The following ATAD3A variants were observed in gnomAD, a reference collection of about 807,000 sequenced individuals.
ATAD3A encodes ATPase family AAA domain containing 3A.
In ATAD3A, 46 loss-of-function variants were observed where a neutral mutation model predicts 73.8. That is an observed-to-expected ratio of 0.62 (90% CI 0.49 to 0.80). The LOEUF (loss-of-function observed/expected upper bound fraction) is 0.80, where lower values mean the gene tolerates loss of function less well. Among genes scored for constraint, ATAD3A ranks in the 30% least tolerant of loss-of-function variants. ATAD3A has a pLI of 0.00. For synonymous variants in ATAD3A, 319 were observed against 350.0 expected (o/e 0.91, Z 0.99); for missense variants, 705 against 838.0 (o/e 0.84, Z 1.96).
At chr1:1,525,367 C>T in intron 12 of ATAD3A, 76 bp downstream of exon 12, 3 of 1,575,840 alleles carry the variant, frequency 1.9e-6, no homozygotes, top group East Asian at 2.2e-5. Context: ...AGGCTGCAGC[C>T]CTCTGTTCAG....
chr1:1,524,420 A>G (rs764505008), intron 11 of ATAD3A, 23 bp downstream of exon 11: 4 of 1,583,472 alleles, frequency 2.5e-6, no homozygotes, highest in Non-Finnish European at 3.4e-6. Flanking sequence ...CACAGCATGC[A>G]CCAGGCCCTT....
At chr1:1,517,501 C>T in intron 3 of ATAD3A, 89 bp downstream of exon 3, 1 of 1,104,364 alleles carries the variant, frequency 9.1e-7, no homozygotes, top group Non-Finnish European at 1.2e-6. Context: ...TCCCGGGGCA[C>T]TCTGGAGTCA....
Position 1,533,007 on chromosome 1 carries a change from G to T in ATAD3A, c.1615-919G>T, listed in dbSNP as rs568336992. Among the ~76,000 whole-genome samples the T allele has an allele frequency of 9.8e-5, 15 of 152,332 alleles. No individual in the cohort carries two copies. The South Asian group carries it at 3.1e-3, about 32-fold the overall frequency. On this transcript the variant is annotated intron_variant, in intron 15 of 15. Coordinates refer to ENST00000378756, the MANE Select transcript of ATAD3A (RefSeq NM_001170535.3). ...TCCCCACACAGTGGCTCTTGGTGAG[G>T]GGTGGGCGCTTGCAGAGGGGACGGG...
intron 13 of ATAD3A, 121 bp from the exon 14 acceptor site, chr1:1,527,574 C>T: frequency 7.5e-7 from 1 of 1,325,548 alleles, no homozygotes; most frequent in Non-Finnish European, 1.0e-6. Flanking sequence ...CAGGGCTGTG[C>T]CCGTGTCCTC....
intron 12 of ATAD3A, among the ~76,000 whole-genome samples, chr1:1,525,578 C>T (rs1195559833): frequency 6.6e-6 from 1 of 152,098 alleles, no homozygotes; most frequent in Non-Finnish European, 1.5e-5. Context: ...CCACACCTGG[C>T]TAATTTTTTG....
chr1:1,523,970 A>C lies in ATAD3A; in HGVS notation c.1089+6A>C. 1 of 1,613,746 alleles carries C rather than the reference A, an allele frequency of 6.2e-7. No individual in the cohort carries two copies. The highest frequency in any genetic ancestry group is 8.5e-7 in the Non-Finnish European group (1 of 1,179,980). On this transcript the variant is annotated splice_donor_region_variant and intron_variant, in intron 10 of 15. Coordinates refer to ENST00000378756, the MANE Select transcript of ATAD3A (RefSeq NM_001170535.3). The surrounding 1 kb of genome is among the most constrained non-coding windows in gnomAD (Gnocchi z 5.1). ...GGAAGACGCTGTTTGCCAAGGTGAG[A>C]GCGCCTGGCTGAACAGGTGGGCCAG... is the stretch of plus-strand genomic sequence containing the variant.
At chr1:1,515,324 G>A (rs773210891) in intron 1 of ATAD3A, among the ~76,000 whole-genome samples, 7 of 152,170 alleles carry the variant, frequency 4.6e-5, no homozygotes, top group Admixed American at 1.3e-4. Context: ...TGATCCACCC[G>A]TCTCAGCCTC....
In ATAD3A at chr1:1,526,932, T is replaced by C. The variant is rs1361169121; in HGVS notation, c.1337+401T>C. Among the ~76,000 whole-genome samples, 20 of 151,884 alleles carry C rather than the reference T, an allele frequency of 1.3e-4. No individual in the cohort carries two copies. In the South Asian group the frequency reaches 1.9e-3, roughly 14 times the overall value. ...GAGACAAGTTTGCTCCCACGGGAAG[T>C]TGGACACCAGCAGGTCCTGTGTGTC... is the stretch of plus-strand genomic sequence containing the variant. On this transcript the variant is annotated intron_variant, in intron 13 of 15. Transcript: ENST00000378756.
intron 14 of ATAD3A, 112 bp from the exon 15 acceptor site, chr1:1,529,108 CCCT>C (rs1641947711): frequency 6.8e-7 from 1 of 1,469,094 alleles, no homozygotes; most frequent in Admixed American, 2.0e-5. Context: ...AGTAGAGAGC[CCCT>C]CCAAAGAGGA....
At chr1:1,526,957 CG>C (rs1386379014) in intron 13 of ATAD3A, among the ~76,000 whole-genome samples, 1 of 152,092 alleles carries the variant, frequency 6.6e-6, no homozygotes, top group Non-Finnish European at 1.5e-5. Flanking sequence ...TCCTGTGTGT[CG>C]GGGCGGAACC....
chr1:1,526,244 C>T (rs535138037), intron 12 of ATAD3A, among the ~76,000 whole-genome samples: 2 of 152,246 alleles, frequency 1.3e-5, no homozygotes, highest in Non-Finnish European at 2.9e-5. Flanking sequence ...TGGTCTCAAA[C>T]TCCTTACCTC....
intron 1 of ATAD3A, among the ~76,000 whole-genome samples, chr1:1,514,962 C>A (rs1270894546): frequency 6.6e-6 from 1 of 152,246 alleles, no homozygotes; most frequent in Admixed American, 6.5e-5. Flanking sequence ...CAACATCCAC[C>A]TCCTGGGTTC....
At chr1:1,530,988 C>G (rs2100685236) in intron 15 of ATAD3A, among the ~76,000 whole-genome samples, 1 of 152,126 alleles carries the variant, frequency 6.6e-6, no homozygotes, top group African/African-American at 2.4e-5. Flanking sequence ...AATCTCACCT[C>G]CACTAAAAAT....
rs3737711 is a variant in ATAD3A at position 1,525,085 on chromosome 1, G to T, written c.1215-155G>T. 3.1e-3 allele frequency among the ~76,000 whole-genome samples: 468 copies of T among 152,234 alleles called. 16 individuals are homozygous for T. In the East Asian group the frequency reaches 0.078, roughly 25 times the overall value. ...CAGCTGCCCAGAGGCCAGGCTGATC[G>T]GCTTCTGTCGAGTCCAGGACTTAGG... On this transcript the variant is annotated intron_variant, in intron 11 of 15. Coordinates refer to ENST00000378756, the MANE Select transcript of ATAD3A (RefSeq NM_001170535.3).
intron 15 of ATAD3A, among the ~76,000 whole-genome samples, chr1:1,533,318 A>G (rs921635453): frequency 2.6e-5 from 4 of 152,168 alleles, no homozygotes; most frequent in Non-Finnish European, 4.4e-5. Context: ...CTTCGCTGGC[A>G]TTGGGATGGA....
intron 12 of ATAD3A, 119 bp from the exon 13 acceptor site, chr1:1,526,342 T>C: frequency 1.3e-6 from 2 of 1,564,212 alleles, no homozygotes; most frequent in South Asian, 2.3e-5. Context: ...TGAGAGTAGA[T>C]CCATGAAAGT....
intron 1 of ATAD3A, among the ~76,000 whole-genome samples, chr1:1,514,158 C>T (rs551978621): frequency 4.6e-5 from 7 of 152,206 alleles, no homozygotes; most frequent in Non-Finnish European, 7.3e-5. Flanking sequence ...AGAGGCCACA[C>T]GGGCACCTGA....
rs1399023966 is a variant in ATAD3A at position 1,512,227 on chromosome 1, G to A, written c.-42G>A. On this transcript the variant is annotated 5_prime_UTR_variant, in exon 1 of 16. Coordinates refer to ENST00000378756, the MANE Select transcript of ATAD3A (RefSeq NM_001170535.3). ...CCCAGCCGCGCGCGAGTCAGACTCG[G>A]GTGGGGGTCCCGGCGGCGGTAGCGG... is the stretch of plus-strand genomic sequence containing the variant. 13 of 1,268,268 alleles carry A rather than the reference G, an allele frequency of 1.0e-5. No homozygotes were observed. Among genetic ancestry groups the A allele is most frequent in the African/African-American group, 3.1e-5 (2 of 65,002 alleles). 78.6% of individuals were successfully genotyped at this position (1,268,268 alleles called of 1,614,324 possible). A position where few individuals can be genotyped will look rare whatever the true frequency, so the allele number is the denominator to read the frequency against.
intron 1 of ATAD3A, 167 bp downstream of exon 1, chr1:1,512,640 G>T (rs1641239091): frequency 2.6e-5 from 36 of 1,394,968 alleles, no homozygotes; most frequent in Non-Finnish European, 3.0e-5. Flanking sequence ...GGGAGGATCG[G>T]ACTCTTTCCG....
Sources: gnomAD v4.1 joint callset for allele counts (sites outside exome capture counted in the v4.1 genomes callset) on GRCh38, gnomAD v4.1.1 for gene constraint, Gnocchi (gnomAD v3.1) non-coding constraint, MANE v1.5 for transcripts, NCBI Gene and HGNC (gene_info 2026-07-23, HGNC 2026-07-21) for gene names.